Variants in BACH2 observed in about 807,000 individuals in gnomAD.
BACH2 encodes transcription regulator protein BACH2.
BACH2 carries 5 observed loss-of-function variants against 61.8 expected under a neutral mutation model. That is an observed-to-expected ratio of 0.08 (90% CI 0.04 to 0.17). BACH2 has a LOEUF of 0.17. Ranked by LOEUF, BACH2 falls within the 10% of genes least tolerant of loss-of-function variation. The pLI is 1.00. For synonymous variants in BACH2, 446 were observed against 440.1 expected, an observed-to-expected ratio of 1.01 and a Z score of -0.17; for missense variants, 824 against 1,091.1, an observed-to-expected ratio of 0.76 and a Z score of 3.45.
intron 5 of BACH2, among the ~76,000 whole-genome samples, chr6:90,032,997 T>C (rs1425363299): frequency 1.3e-4 from 19 of 151,870 alleles, no homozygotes; most frequent in Non-Finnish European, 2.1e-4. Context: ...GAAAATGTGG[T>C]ACATATACAC....
chr6:90,026,143 G>C (rs1778625438), intron 5 of BACH2, among the ~76,000 whole-genome samples: 1 of 152,150 alleles, frequency 6.6e-6, no homozygotes, highest in African/African-American at 2.4e-5. Context: ...ATGCCGAAAA[G>C]AGGGGAGACT....
intron 5 of BACH2, among the ~76,000 whole-genome samples, chr6:90,028,841 T>A (rs1346843868): frequency 1.3e-5 from 2 of 152,226 alleles, no homozygotes; most frequent in East Asian, 3.9e-4. Flanking sequence ...CACAAGACAC[T>A]TAACTTTTCC....
At chr6:89,965,721 A>G (rs1320533347) in intron 6 of BACH2, among the ~76,000 whole-genome samples, 3 of 152,252 alleles carry the variant, frequency 2.0e-5, no homozygotes, top group African/African-American at 7.2e-5. Context: ...AACTGAAGTC[A>G]TATTTTCCAC....
At chr6:90,199,897 T>C (rs1444187836) in intron 4 of BACH2, among the ~76,000 whole-genome samples, 1 of 152,212 alleles carries the variant, frequency 6.6e-6, no homozygotes. Flanking sequence ...CAGATTCTTG[T>C]TAGAGGAAAG....
chr6:89,947,570 C>CTTT (rs1350987737), intron 7 of BACH2, among the ~76,000 whole-genome samples: 14 of 144,994 alleles, frequency 9.7e-5, no homozygotes, highest in African/African-American at 3.5e-4. Flanking sequence ...ATTTTTCTTT[C>CTTT]TTTTTTTTTT....
intron 5 of BACH2, among the ~76,000 whole-genome samples, chr6:90,041,441 T>C (rs1475270770): frequency 6.6e-6 from 1 of 151,996 alleles, no homozygotes; most frequent in Non-Finnish European, 1.5e-5. Flanking sequence ...TCCTTAAAGA[T>C]CTATTAATAT....
At chr6:90,186,574 T>C (rs1009788331) in intron 4 of BACH2, among the ~76,000 whole-genome samples, 1 of 152,200 alleles carries the variant, frequency 6.6e-6, no homozygotes, top group African/African-American at 2.4e-5. Context: ...CTAAGTCTGT[T>C]CCTTTCAAGG....
chr6:90,016,572 T>G (rs1362395559), intron 5 of BACH2, among the ~76,000 whole-genome samples: 1 of 152,168 alleles, frequency 6.6e-6, no homozygotes, highest in Non-Finnish European at 1.5e-5. Context: ...CTTCCATTTC[T>G]CCCTTCCTGG....
chr6:90,223,535 C>T (rs1465463653), intron 3 of BACH2, among the ~76,000 whole-genome samples: 1 of 152,140 alleles, frequency 6.6e-6, no homozygotes, highest in Non-Finnish European at 1.5e-5. Context: ...GTGGCGTGAT[C>T]TCAGCTCACT....
intron 6 of BACH2, among the ~76,000 whole-genome samples, chr6:89,986,682 C>A (rs1233464242): frequency 6.6e-6 from 1 of 152,092 alleles, no homozygotes; most frequent in Admixed American, 6.5e-5. Context: ...CTTTCAACAC[C>A]ACCTCCATCT....
chr6:90,283,202 T>G (rs1438667190), intron 1 of BACH2, among the ~76,000 whole-genome samples: 1 of 152,294 alleles, frequency 6.6e-6, no homozygotes, highest in East Asian at 1.9e-4. Flanking sequence ...CATTTTTCTT[T>G]TTGGTTATCT....
chr6:90,172,464 T>G (rs2127837762), intron 4 of BACH2, among the ~76,000 whole-genome samples: 1 of 151,864 alleles, frequency 6.6e-6, no homozygotes, highest in South Asian at 2.1e-4. Flanking sequence ...TCAGAACTAG[T>G]AATCATCAAA....
chr6:90,248,032 G>T (rs1770694077), intron 3 of BACH2, among the ~76,000 whole-genome samples: 1 of 152,194 alleles, frequency 6.6e-6, no homozygotes, highest in Admixed American at 6.5e-5. Flanking sequence ...TTTGTTACAT[G>T]AATGAATACA....
chr6:90,208,974 G>T (rs1317086836), intron 3 of BACH2, among the ~76,000 whole-genome samples: 1 of 138,282 alleles, frequency 7.2e-6, no homozygotes, highest in African/African-American at 2.7e-5. Flanking sequence ...AACACCGCAT[G>T]TTCTTACTCA....
At chr6:90,145,812 C>T (rs1784596937) in intron 4 of BACH2, among the ~76,000 whole-genome samples, 1 of 152,134 alleles carries the variant, frequency 6.6e-6, no homozygotes, top group Admixed American at 6.5e-5. Flanking sequence ...ATTGGATTTG[C>T]ACAGAGAGGT....
At chr6:90,065,461 AGGCCTGTGG>A (rs1433628115) in intron 5 of BACH2, among the ~76,000 whole-genome samples, 1 of 152,046 alleles carries the variant, frequency 6.6e-6, no homozygotes, top group African/African-American at 2.4e-5. Flanking sequence ...GAAATACTTT[AGGCCTGTGG>A]GCCATATGAT....
At chr6:89,955,733 A>G (rs903315041) in intron 6 of BACH2, among the ~76,000 whole-genome samples, 1 of 152,208 alleles carries the variant, frequency 6.6e-6, no homozygotes, top group Non-Finnish European at 1.5e-5. Flanking sequence ...TTTAGGGACC[A>G]TTTAAATTCA....
chr6:90,111,390 T>C (rs1783164681), intron 4 of BACH2, among the ~76,000 whole-genome samples: 1 of 152,182 alleles, frequency 6.6e-6, no homozygotes, highest in Non-Finnish European at 1.5e-5. Flanking sequence ...ATCACATCGC[T>C]CTCCTGCTTA....
intron 5 of BACH2, among the ~76,000 whole-genome samples, chr6:90,037,283 G>C (rs932057108): frequency 2.6e-5 from 4 of 152,148 alleles, no homozygotes; most frequent in African/African-American, 4.8e-5. Flanking sequence ...AAATGAGGAG[G>C]CTTTTTAAAA....
Sources: allele counts gnomAD v4.1 joint callset (sites outside exome capture counted in the v4.1 genomes callset), GRCh38; gene constraint gnomAD v4.1.1; transcripts MANE v1.5; gene names NCBI Gene and HGNC (gene_info 2026-07-23, HGNC 2026-07-21).